ZNF385D: variants seen among roughly 807,000 people sequenced by gnomAD.
ZNF385D encodes zinc finger protein 385D, also known as zinc finger protein 659.
ZNF385D carries 15 observed loss-of-function variants against 35.8 expected under a neutral mutation model. The ratio of observed to expected loss-of-function variants is 0.42; its 90% confidence interval spans 0.28 to 0.64. The LOEUF is 0.64. ZNF385D is among the 30% of genes least tolerant of loss of function. ZNF385D has a pLI of 0.23. For missense variants in ZNF385D, 474 were observed against 494.6 expected, an observed-to-expected ratio of 0.96 and a Z score of 0.39; for synonymous variants, 212 against 186.8, an observed-to-expected ratio of 1.13 and a Z score of -1.10.
At chr3:21,577,452 T>TAA (rs1485466917) in intron 2 of ZNF385D, among the ~76,000 whole-genome samples, 5 of 152,246 alleles carry the variant, frequency 3.3e-5, no homozygotes, top group Non-Finnish European at 5.9e-5. Flanking sequence ...CTATTGTGCA[T>TAA]AATACTGCGA....
intron 2 of ZNF385D, chr3:22,169,122 G>A: frequency 7.3e-6 from 4 of 544,986 alleles, no homozygotes; most frequent in Non-Finnish European, 9.3e-6. Flanking sequence ...AATAAGGATT[G>A]TTCTACACAC....
rs1293896581 is a variant in ZNF385D, at chr3:21,665,015, C to G, written c.36G>C (p.Gln12His). ...RNIMYFGGTC[Q>H]SPALPALVRP... ...GGACAAGGGCCGGGAGAGCAGGACTCTGGCATGTACCACCTGTGAAGACCA... is the reference window on the plus strand; with the variant it reads ...GGACAAGGGCCGGGAGAGCAGGACTGTGGCATGTACCACCTGTGAAGACCA... Residue 12 changes from glutamine to histidine, a missense_variant, in exon 2 of 8, where the codon CAG (glutamine) becomes CAC (histidine). Transcript: ENST00000281523. The G allele has an allele frequency of 6.2e-7, 1 of 1,610,630 alleles. No individual in the cohort carries two copies. The highest frequency in any genetic ancestry group is 8.5e-7 in the Non-Finnish European group (1 of 1,178,312).
Position 21,455,467 on chromosome 3 carries a change from G to C in ZNF385D, c.440-18264C>G, listed in dbSNP as rs551334147. 9.5e-3 allele frequency among the ~76,000 whole-genome samples: 1,452 copies of C among 152,136 alleles called. 10 individuals carry two copies. Among genetic ancestry groups the C allele is most frequent in the African/African-American group, 0.033 (1,353 of 41,514 alleles). ...ACCATCTGATCTTTGACAAACCTGA[G>C]AAAAACAAGCAATGGGGAAAGGATT... On this transcript the variant is annotated intron_variant, in intron 4 of 7. Coordinates refer to ENST00000281523, the MANE Select transcript of ZNF385D (RefSeq NM_024697.3).
chr3:21,730,759 T>C (rs1231495327), intron 1 of ZNF385D, among the ~76,000 whole-genome samples: 1 of 152,258 alleles, frequency 6.6e-6, no homozygotes, highest in Non-Finnish European at 1.5e-5. Context: ...CCTTCTTAAA[T>C]TTTTTCTCCC....
intron 2 of ZNF385D, among the ~76,000 whole-genome samples, chr3:22,326,552 G>A (rs1435948951): frequency 1.3e-5 from 2 of 152,148 alleles, no homozygotes; most frequent in Admixed American, 6.5e-5. Flanking sequence ...TTCAGGGCAA[G>A]GTAGAACGGG....
chr3:21,978,942 T>A (rs150333690), intron 3 of ZNF385D, among the ~76,000 whole-genome samples: 1 of 152,312 alleles, frequency 6.6e-6, no homozygotes, highest in African/African-American at 2.4e-5. Flanking sequence ...ATTTTCTTCA[T>A]ATTAATATCT....
intron 4 of ZNF385D, among the ~76,000 whole-genome samples, chr3:21,494,778 C>G (rs1705701050): frequency 6.6e-6 from 1 of 152,124 alleles, no homozygotes; most frequent in African/African-American, 2.4e-5. Context: ...CACTAGAGGA[C>G]AGAAGCTACA....
At chr3:22,011,110 A>G (rs1447999390) in intron 3 of ZNF385D, among the ~76,000 whole-genome samples, 3 of 152,150 alleles carry the variant, frequency 2.0e-5, no homozygotes, top group Non-Finnish European at 4.4e-5. Context: ...CAGAAGCATA[A>G]TAATTTCTTA....
intron 1 of ZNF385D, among the ~76,000 whole-genome samples, chr3:21,726,769 G>A (rs2068782789): frequency 6.6e-6 from 1 of 152,132 alleles, no homozygotes; most frequent in East Asian, 1.9e-4. Context: ...TAGAGTTAAT[G>A]CTATCCCCAT....
intron 3 of ZNF385D, among the ~76,000 whole-genome samples, chr3:21,817,359 T>C (rs960604172): frequency 2.0e-5 from 3 of 152,164 alleles, no homozygotes; most frequent in Non-Finnish European, 4.4e-5. Context: ...AAAGAGTTTC[T>C]GCACAGCAAA....
At position 22,095,745 on chromosome 3, in the gene ZNF385D, A is replaced by C. The variant is rs181313106; in HGVS notation, c.325+73072T>G. On this transcript the variant is annotated intron_variant, in intron 3 of 5. Coordinates refer to the ZNF385D transcript ENST00000494108. ...CTTTATTTTCTTTCCTTCTGAGATAATTTCATTATGTGGCATCAGTTAGCA... is the reference window on the plus strand; with the variant it reads ...CTTTATTTTCTTTCCTTCTGAGATACTTTCATTATGTGGCATCAGTTAGCA... Among the ~76,000 whole-genome samples, 216 of 152,088 alleles carry C rather than the reference A, an allele frequency of 1.4e-3. 2 individuals carry two copies. The highest frequency in any genetic ancestry group is 4.6e-3 in the African/African-American group (191 of 41,542).
At chr3:22,305,776 G>C (rs1703174461) in intron 2 of ZNF385D, among the ~76,000 whole-genome samples, 1 of 152,136 alleles carries the variant, frequency 6.6e-6, no homozygotes, top group Non-Finnish European at 1.5e-5. Flanking sequence ...AAATACTCAT[G>C]AACAACCAAT....
intron 3 of ZNF385D, among the ~76,000 whole-genome samples, chr3:22,155,215 T>A (rs1258277182): frequency 6.6e-6 from 1 of 152,052 alleles, no homozygotes; most frequent in Non-Finnish European, 1.5e-5. Context: ...TAAAAAGATC[T>A]ATGTGAGAGA....
intron 3 of ZNF385D, among the ~76,000 whole-genome samples, chr3:22,038,568 A>T (rs928325466): frequency 3.3e-5 from 5 of 152,200 alleles, no homozygotes; most frequent in Admixed American, 1.3e-4. Context: ...AATAAAATTT[A>T]TTCTACTAAA....
At chr3:21,813,600 C>G (rs903553509) in intron 3 of ZNF385D, among the ~76,000 whole-genome samples, 1 of 151,762 alleles carries the variant, frequency 6.6e-6, no homozygotes, top group Admixed American at 6.6e-5. Flanking sequence ...GAAAGGGTAT[C>G]GATGATTGAA....
At chr3:21,782,045 C>G (rs1336952453) in intron 3 of ZNF385D, among the ~76,000 whole-genome samples, 2 of 152,082 alleles carry the variant, frequency 1.3e-5, no homozygotes, top group Non-Finnish European at 2.9e-5. Context: ...ACCCTATATG[C>G]TTTGTTCCTC....
intron 3 of ZNF385D, among the ~76,000 whole-genome samples, chr3:21,867,260 C>T: frequency 6.6e-6 from 1 of 152,106 alleles, no homozygotes; most frequent in Non-Finnish European, 1.5e-5. Flanking sequence ...CTAATCATCT[C>T]CCATTAGGCC....
chr3:22,154,593 G>A (rs1295483279), intron 3 of ZNF385D, among the ~76,000 whole-genome samples: 2 of 152,158 alleles, frequency 1.3e-5, no homozygotes, highest in African/African-American at 4.8e-5. Context: ...AATGAGGTAT[G>A]AGCCATAAAG....
intron 3 of ZNF385D, among the ~76,000 whole-genome samples, chr3:21,863,852 G>C (rs1427828289): frequency 6.6e-6 from 1 of 152,066 alleles, no homozygotes; most frequent in African/African-American, 2.4e-5. Context: ...TGCCAACCCA[G>C]GCCTCTATAA....
Sources: gnomAD v4.1 joint callset for allele counts (sites outside exome capture counted in the v4.1 genomes callset) on GRCh38, gnomAD v4.1.1 for gene constraint, MANE v1.5 for transcripts, NCBI Gene and HGNC (gene_info 2026-07-23, HGNC 2026-07-21) for gene names.